The following LRRC4C variants were observed in gnomAD, a reference collection of about 807,000 sequenced individuals.
The protein encoded by LRRC4C is leucine rich repeat containing 4C, also known as leucine-rich repeat-containing protein 4C.
A neutral mutation model predicts 33.6 loss-of-function variants in LRRC4C; 5 were observed. The ratio of observed to expected loss-of-function variants is 0.15; its 90% CI spans 0.08 to 0.31. The LOEUF (loss-of-function observed/expected upper bound fraction) is 0.31, where lower values mean the gene tolerates loss of function less well. Among genes scored for constraint, LRRC4C ranks in the 10% least tolerant of loss-of-function variants. LRRC4C has a pLI of 1.00. For missense variants in LRRC4C, 560 were observed against 796.7 expected, an observed-to-expected ratio of 0.70 and a Z score of 3.58; for synonymous variants, 329 against 302.0, an observed-to-expected ratio of 1.09 and a Z score of -0.93.
chr11:41,032,465 T>C lies in LRRC4C; in HGVS notation c.-495-98742A>G, dbSNP rs187001689. ...AACTTTCAACTGTGTGTGTGGTTTT[T>C]TTTTAGATCTATTGTTTTAACATTT... On this transcript the variant is annotated intron_variant, in intron 1 of 6. Transcript: ENST00000528697. Among the ~76,000 whole-genome samples the C allele has an allele frequency of 6.0e-4, 91 of 152,210 alleles. 1 individual carries two copies. The highest frequency in any genetic ancestry group is 2.0e-3 in the African/African-American group (85 of 41,564).
chr11:40,169,051 G>A (rs752302996), intron 5 of LRRC4C, among the ~76,000 whole-genome samples: 1 of 151,816 alleles, frequency 6.6e-6, no homozygotes, highest in Non-Finnish European at 1.5e-5. Flanking sequence ...ACTTTGCAAC[G>A]GAGCATTTTA....
At chr11:40,950,204 C>T (rs889783407) in intron 1 of LRRC4C, among the ~76,000 whole-genome samples, 1 of 151,862 alleles carries the variant, frequency 6.6e-6, no homozygotes, top group Non-Finnish European at 1.5e-5. Context: ...TCCTTCCAAG[C>T]TCTAAACTTC....
intron 3 of LRRC4C, among the ~76,000 whole-genome samples, chr11:40,584,160 C>T (rs117127717): frequency 0.025 from 2,295 of 92,848 alleles, 31 homozygotes; most frequent in Admixed American, 0.037. Flanking sequence ...TAAGTATACA[C>T]ACACACACGC....
Position 41,182,783 on chromosome 11 carries a change from C to A in LRRC4C, c.-495-249060G>T, listed in dbSNP as rs115921835. Among the ~76,000 whole-genome samples, 1,147 of 150,488 alleles carry A rather than the reference C, an allele frequency of 7.6e-3. 10 individuals carry two copies. The highest frequency in any genetic ancestry group is 0.026 in the African/African-American group (1,071 of 40,908). On this transcript the variant is annotated intron_variant, in intron 1 of 6. Transcript: ENST00000528697. The stretch of plus-strand genomic sequence containing the variant: ...AATTCTGTCTCCCGTGATGTATTTA[C>A]ATATTATTACTATATTAGTCTGTTT...
Position 40,857,985 on chromosome 11 carries a change from A to AAGGGACAGGGAC in LRRC4C, c.-407+75638_-407+75649dup, listed in dbSNP as rs1329795637. 6.9e-4 allele frequency among the ~76,000 whole-genome samples: 83 copies of AAGGGACAGGGAC among 120,454 alleles called. 1 individual carries two copies. The highest frequency in any genetic ancestry group is 2.3e-3 in the African/African-American group (68 of 29,318). The allele number at this position is 120,454 out of a possible 152,430, so 79.0% of individuals were successfully genotyped here. On this transcript the variant is annotated intron_variant, in intron 2 of 6. Transcript: ENST00000528697. ...AAAGGGAAAGGGAAAGGGAAAGGGAAAGGGACAGGGACAGGGACAGGGACA... is the reference window on the plus strand; with the variant it reads ...AAAGGGAAAGGGAAAGGGAAAGGGAAAGGGACAGGGACAGGGACAGGGACAGGGACAGGGACA...
At chr11:41,166,461 A>G (rs896793856) in intron 1 of LRRC4C, among the ~76,000 whole-genome samples, 3 of 152,224 alleles carry the variant, frequency 2.0e-5, no homozygotes, top group Non-Finnish European at 4.4e-5. Context: ...GATCCAGCCC[A>G]AGGCATGTGG....
intron 1 of LRRC4C, among the ~76,000 whole-genome samples, chr11:41,115,169 GAACA>G (rs1314448362): frequency 6.6e-6 from 1 of 151,968 alleles, no homozygotes; most frequent in Non-Finnish European, 1.5e-5. Flanking sequence ...AAGACTTAAA[GAACA>G]AACTGTAACT....
At chr11:40,616,575 C>T (rs1961856162) in intron 3 of LRRC4C, among the ~76,000 whole-genome samples, 1 of 151,806 alleles carries the variant, frequency 6.6e-6, no homozygotes, top group African/African-American at 2.4e-5. Context: ...GAATACTATG[C>T]AGCCATTAAA....
intron 1 of LRRC4C, among the ~76,000 whole-genome samples, chr11:41,447,279 T>TAAGAATTA (rs1955854829): frequency 6.6e-6 from 1 of 152,226 alleles, no homozygotes; most frequent in Admixed American, 6.5e-5. Flanking sequence ...ATGTTTATAC[T>TAAGAATTA]AAGAATTAAA....
intron 2 of LRRC4C, among the ~76,000 whole-genome samples, chr11:40,725,482 C>T (rs555041260): frequency 6.6e-6 from 1 of 151,202 alleles, no homozygotes; most frequent in East Asian, 2.0e-4. Context: ...CACCACTGCA[C>T]TCCAGCCTGG....
intron 3 of LRRC4C, among the ~76,000 whole-genome samples, chr11:40,570,400 T>C (rs2135560411): frequency 6.6e-6 from 1 of 152,276 alleles, no homozygotes; most frequent in South Asian, 2.1e-4. Context: ...ACTGTCATTG[T>C]GCTGGGCAAC....
At chr11:40,338,274 G>A (rs1946717866) in intron 3 of LRRC4C, among the ~76,000 whole-genome samples, 1 of 152,184 alleles carries the variant, frequency 6.6e-6, no homozygotes, top group African/African-American at 2.4e-5. Flanking sequence ...AAAGGGTTTT[G>A]TAGTTAAGAT....
At chr11:40,587,042 C>T (rs186515844) in intron 3 of LRRC4C, among the ~76,000 whole-genome samples, 39,502 of 149,402 alleles carry the variant, frequency 0.26, 5,349 homozygotes, top group Middle Eastern at 0.37. Context: ...GGGGATGGCA[C>T]TGAATCTATA....
intron 1 of LRRC4C, among the ~76,000 whole-genome samples, chr11:41,121,607 G>A (rs539170482): frequency 6.6e-6 from 1 of 152,222 alleles, no homozygotes; most frequent in Non-Finnish European, 1.5e-5. Flanking sequence ...TTTAATGTGA[G>A]TCAACATAAT....
chr11:40,572,816 A>G (rs1310296774), intron 3 of LRRC4C, among the ~76,000 whole-genome samples: 1 of 152,222 alleles, frequency 6.6e-6, no homozygotes, highest in Non-Finnish European at 1.5e-5. Flanking sequence ...TTCCAAAACC[A>G]CATGCACTAT....
Position 41,238,474 on chromosome 11 carries a change from C to A in LRRC4C, c.-496+220957G>T, listed in dbSNP as rs570607308. Among the ~76,000 whole-genome samples the A allele has an allele frequency of 8.5e-5, 13 of 152,264 alleles. No homozygotes were observed. The South Asian group carries it at 1.5e-3, about 17-fold the overall frequency. On this transcript the variant is annotated intron_variant, in intron 1 of 6. Coordinates refer to ENST00000528697, the MANE Select transcript of LRRC4C (RefSeq NM_001258419.2). ...ACTTGTATTTGCAGATGAAGATACT[C>A]AGCTTTGGAGAGGTCCAGCTACTGT... is the stretch of plus-strand genomic sequence containing the variant.
intron 1 of LRRC4C, among the ~76,000 whole-genome samples, chr11:41,327,173 CT>C (rs1951148683): frequency 6.6e-6 from 1 of 152,054 alleles, no homozygotes; most frequent in African/African-American, 2.4e-5. Flanking sequence ...GGCAGCCCAC[CT>C]TTTTCATGGT....
intron 1 of LRRC4C, among the ~76,000 whole-genome samples, chr11:41,128,771 T>C (rs1314629774): frequency 6.6e-6 from 1 of 151,806 alleles, no homozygotes; most frequent in Admixed American, 6.6e-5. Context: ...GATTAAAACA[T>C]TTTTTTAGGC....
chr11:40,848,223 C>T (rs900378587), intron 2 of LRRC4C, among the ~76,000 whole-genome samples: 3 of 151,934 alleles, frequency 2.0e-5, no homozygotes, highest in Admixed American at 1.3e-4. Flanking sequence ...TTCTCTAGTT[C>T]GTTTAATTGT....
Sources: gnomAD v4.1 joint callset for allele counts (sites outside exome capture counted in the v4.1 genomes callset) on GRCh38, gnomAD v4.1.1 for gene constraint, MANE v1.5 for transcripts, NCBI Gene and HGNC (gene_info 2026-07-23, HGNC 2026-07-21) for gene names.